NAV2: variants seen among roughly 807,000 people sequenced by gnomAD.
NAV2 encodes the protein neuron navigator 2.
In NAV2, 54 loss-of-function variants were observed where a neutral mutation model predicts 223.2. That is an observed-to-expected ratio of 0.24 (90% CI 0.19 to 0.30). The LOEUF is 0.30. NAV2 is among the 10% of genes least tolerant of loss of function. The pLI is 1.00. For missense variants in NAV2, 2,806 were observed against 3,147.5 expected (o/e 0.89, Z 2.60); for synonymous variants, 1,279 against 1,239.3 (o/e 1.03, Z -0.67).
intron 26 of NAV2, among the ~76,000 whole-genome samples, chr11:20,087,476 G>A (rs1489037576): frequency 6.6e-6 from 1 of 152,150 alleles, no homozygotes; most frequent in Non-Finnish European, 1.5e-5. Flanking sequence ...AAAACCATAG[G>A]CAGAGGAGTT....
intron 1 of NAV2, among the ~76,000 whole-genome samples, chr11:19,581,476 C>T (rs1056657489): frequency 2.0e-5 from 3 of 152,114 alleles, no homozygotes; most frequent in Non-Finnish European, 4.4e-5. Context: ...CCCGTTAACT[C>T]GTCATTTAAC....
chr11:19,956,049 C>G (rs544316388), intron 10 of NAV2, among the ~76,000 whole-genome samples: 1 of 152,252 alleles, frequency 6.6e-6, no homozygotes, highest in South Asian at 2.1e-4. Context: ...TCTTGGAACG[C>G]TTGGGAAGTT....
At chr11:19,908,335 G>T (rs2043041045) in intron 6 of NAV2, among the ~76,000 whole-genome samples, 1 of 151,748 alleles carries the variant, frequency 6.6e-6, no homozygotes, top group South Asian at 2.1e-4. Context: ...GTGGGAGGAG[G>T]GTATACTGAG....
At chr11:20,057,476 G>T (rs2058438808) in intron 19 of NAV2, among the ~76,000 whole-genome samples, 1 of 152,156 alleles carries the variant, frequency 6.6e-6, no homozygotes, top group Non-Finnish European at 1.5e-5. Context: ...GTCACTGAGG[G>T]GCATTTGTGA....
At position 19,520,787 on chromosome 11, in the gene NAV2, G is replaced by A. The variant is rs1048197239; in HGVS notation, c.75+169760G>A. Among the ~76,000 whole-genome samples the A allele has an allele frequency of 5.6e-4, 85 of 152,192 alleles. 1 individual carries two copies. Among genetic ancestry groups the A allele is most frequent in the Non-Finnish European group, 2.4e-4 (16 of 68,032 alleles). On this transcript the variant is annotated intron_variant, in intron 1 of 37. Coordinates refer to the NAV2 transcript ENST00000360655. ...CAGTGGTGTGTCTCCAGGTACCTCTGGGTACCAGGTGCTCTGCTGGTCTCA... is the reference window on the plus strand; with the variant it reads ...CAGTGGTGTGTCTCCAGGTACCTCTAGGTACCAGGTGCTCTGCTGGTCTCA...
intron 9 of NAV2, 128 bp from the exon 10 acceptor site, chr11:19,948,563 T>C (rs2047125629): frequency 1.0e-6 from 1 of 983,158 alleles, no homozygotes; most frequent in Non-Finnish European, 1.4e-6. Flanking sequence ...AGGTGGTACA[T>C]GGGGGCTGGC....
At chr11:19,792,694 C>T (rs1224934742) in intron 1 of NAV2, among the ~76,000 whole-genome samples, 6 of 152,144 alleles carry the variant, frequency 3.9e-5, no homozygotes, top group Non-Finnish European at 4.4e-5. Context: ...TTGAAACTTC[C>T]GGCTTCATTA....
intron 1 of NAV2, among the ~76,000 whole-genome samples, chr11:19,354,822 G>A (rs1400441133): frequency 6.6e-6 from 1 of 152,194 alleles, no homozygotes; most frequent in Non-Finnish European, 1.5e-5. Context: ...GCTGTGGGAA[G>A]ATCAGGAGGC....
chr11:19,492,327 A>G (rs974150266), intron 1 of NAV2, among the ~76,000 whole-genome samples: 105 of 152,056 alleles, frequency 6.9e-4, no homozygotes, highest in Non-Finnish European at 1.5e-4. Context: ...AAAACAACCC[A>G]CAATGAAACA....
At chr11:19,771,294 A>T (rs1019064915) in intron 1 of NAV2, among the ~76,000 whole-genome samples, 5 of 152,182 alleles carry the variant, frequency 3.3e-5, no homozygotes, top group African/African-American at 1.2e-4. Flanking sequence ...GTACTGTTTT[A>T]AAGGCCGTAG....
intron 1 of NAV2, among the ~76,000 whole-genome samples, chr11:19,389,011 G>C (rs1318503835): frequency 6.6e-6 from 1 of 152,154 alleles, no homozygotes; most frequent in Non-Finnish European, 1.5e-5. Flanking sequence ...TATGAGCCAA[G>C]CTCATTTTTG....
At chr11:19,926,535 T>C (rs2044764741) in intron 6 of NAV2, among the ~76,000 whole-genome samples, 2 of 152,024 alleles carry the variant, frequency 1.3e-5, no homozygotes, top group Non-Finnish European at 2.9e-5. Context: ...TCGAGACAGG[T>C]TCACCTGCCC....
At chr11:19,636,118 G>A (rs1590744737) in intron 1 of NAV2, among the ~76,000 whole-genome samples, 1 of 152,162 alleles carries the variant, frequency 6.6e-6, no homozygotes, top group African/African-American at 2.4e-5. Flanking sequence ...AATAGATTTG[G>A]TCAGTACATT....
At chr11:19,359,613 G>T (rs1211702651) in intron 1 of NAV2, among the ~76,000 whole-genome samples, 1 of 152,234 alleles carries the variant, frequency 6.6e-6, no homozygotes, top group African/African-American at 2.4e-5. Context: ...CCCATGGAAT[G>T]TTCTGAAATA....
chr11:19,955,098 ATAGTAAG>A (rs2047737644), intron 10 of NAV2, among the ~76,000 whole-genome samples: 1 of 152,058 alleles, frequency 6.6e-6, no homozygotes, highest in Non-Finnish European at 1.5e-5. Flanking sequence ...TGCCTGTTGC[ATAGTAAG>A]CAGTCAATAA....
chr11:19,936,708 T>G (rs2045939295), intron 7 of NAV2, among the ~76,000 whole-genome samples: 1 of 152,158 alleles, frequency 6.6e-6, no homozygotes, highest in Admixed American at 6.5e-5. Flanking sequence ...TGATCGAGTG[T>G]GGGTACAGAG....
In NAV2 at chr11:19,636,584, G is replaced by A. The variant is rs185618595; in HGVS notation, c.76-195900G>A. Among the ~76,000 whole-genome samples, 396 of 150,180 alleles carry A rather than the reference G, an allele frequency of 2.6e-3. 2 individuals are homozygous for A. The highest frequency in any genetic ancestry group is 8.0e-3 in the African/African-American group (326 of 40,774). On this transcript the variant is annotated intron_variant, in intron 1 of 37. Transcript: ENST00000360655. The stretch of plus-strand genomic sequence containing the variant: ...CGGCTCACTGCAAGCTCCGCCTCCC[G>A]GGTTCACGCCATTCTCCTGCCTCAG...
At chr11:19,634,402 C>T (rs1306921969) in intron 1 of NAV2, among the ~76,000 whole-genome samples, 1 of 152,128 alleles carries the variant, frequency 6.6e-6, no homozygotes, top group Non-Finnish European at 1.5e-5. Flanking sequence ...GGCTTAATTC[C>T]TGGGTGATGA....
chr11:19,395,456 G>C (rs1036747242), intron 1 of NAV2, among the ~76,000 whole-genome samples: 1 of 152,244 alleles, frequency 6.6e-6, no homozygotes, highest in African/African-American at 2.4e-5. Context: ...GGCCAGACAT[G>C]GTTGAGGCCA....
Sources: allele counts gnomAD v4.1 joint callset (sites outside exome capture counted in the v4.1 genomes callset), GRCh38; gene constraint gnomAD v4.1.1; transcripts MANE v1.5; gene names NCBI Gene and HGNC (gene_info 2026-07-23, HGNC 2026-07-21).